Variants in FAM83B observed in about 807,000 individuals in gnomAD.
FAM83B encodes the protein protein FAM83B.
A neutral mutation model predicts 38.8 loss-of-function variants in FAM83B; 26 were observed. That is an observed-to-expected ratio of 0.67 (90% CI 0.49 to 0.93). The LOEUF is 0.93. FAM83B is among the 40% of genes least tolerant of loss of function. The probability of loss-of-function intolerance (pLI) is 0.00; values close to 1 mark genes in which losing one functional copy is unlikely to be tolerated. For missense variants in FAM83B, 1,237 were observed against 1,197.3 expected, an observed-to-expected ratio of 1.03 and a Z score of -0.49; for synonymous variants, 419 against 423.1, an observed-to-expected ratio of 0.99 and a Z score of 0.12.
chr6:54,940,224 A>G lies in FAM83B; in HGVS notation c.1253A>G (p.Lys418Arg). 1 of 1,614,074 alleles carries G rather than the reference A, an allele frequency of 6.2e-7. No individual in the cohort carries two copies. Among genetic ancestry groups the G allele is most frequent in the Non-Finnish European group, 8.5e-7 (1 of 1,179,998 alleles). ...RTNNPPGNWK[K>R]PSDSLSVASS... is the part of the protein sequence containing the mutation. ...AATAATCCACCTGGTAATTGGAAAA[A>G]GCCATCTGATAGTCTCAGTGTGGCG... Residue 418 changes from lysine to arginine, a missense_variant, in exon 5 of 5, where the codon AAG (lysine) becomes AGG (arginine). Lys to Arg is a conservative substitution (Grantham distance 26, BLOSUM62 2). Transcript: ENST00000306858.
intron 2 of FAM83B, among the ~76,000 whole-genome samples, chr6:54,913,600 A>T (rs1772966748): frequency 6.6e-6 from 1 of 152,098 alleles, no homozygotes. Flanking sequence ...AACAAAAATA[A>T]AAAGAGAAAA....
In FAM83B at chr6:54,921,244, C is replaced by T. The variant is rs190519244; in HGVS notation, c.445-5127C>T. ...TTTTTTCTTTCTCTGAATTACCATT[C>T]CCGTGTATTACTTAACACTTGATTA... On this transcript the variant is annotated intron_variant, in intron 2 of 4. Coordinates refer to ENST00000306858, the MANE Select transcript of FAM83B (RefSeq NM_001010872.3). 3.2e-3 allele frequency among the ~76,000 whole-genome samples: 486 copies of T among 151,950 alleles called. 1 individual carries two copies. The highest frequency in any genetic ancestry group is 0.011 in the African/African-American group (463 of 41,524).
chr6:54,906,218 C>T (rs1306206319), intron 2 of FAM83B, among the ~76,000 whole-genome samples: 1 of 152,078 alleles, frequency 6.6e-6, no homozygotes, highest in Non-Finnish European at 1.5e-5. Flanking sequence ...TAAATATAAA[C>T]TAGGTCATTT....
At chr6:54,849,190 C>A (rs1180640114) in intron 1 of FAM83B, among the ~76,000 whole-genome samples, 1 of 152,200 alleles carries the variant, frequency 6.6e-6, no homozygotes, top group Non-Finnish European at 1.5e-5. Context: ...GTACAAATAG[C>A]ACTTAAACTC....
chr6:54,928,803 A>G (rs934615018), intron 4 of FAM83B, among the ~76,000 whole-genome samples: 1 of 152,122 alleles, frequency 6.6e-6, no homozygotes, highest in Non-Finnish European at 1.5e-5. Flanking sequence ...TATGGTTATT[A>G]TTTAAGTTTT....
chr6:54,922,180 A>G (rs1773187040), intron 2 of FAM83B, among the ~76,000 whole-genome samples: 1 of 152,030 alleles, frequency 6.6e-6, no homozygotes, highest in South Asian at 2.1e-4. Context: ...TGCAAACAAA[A>G]TCCTTTATGT....
At chr6:54,846,493 G>A (rs1468722519), upstream of FAM83B, among the ~76,000 whole-genome samples, 2 of 152,196 alleles carry the variant, frequency 1.3e-5, no homozygotes, top group African/African-American at 4.8e-5. Context: ...CCCCGAGGGC[G>A]GGCAGGAAAG....
chr6:54,847,039 A>G (rs1361938418), intron 1 of FAM83B, among the ~76,000 whole-genome samples: 1 of 151,988 alleles, frequency 6.6e-6, no homozygotes, highest in Non-Finnish European at 1.5e-5. Context: ...AGTCTTTTCT[A>G]CGTTTCTTTC....
intron 2 of FAM83B, among the ~76,000 whole-genome samples, chr6:54,898,495 T>C (rs192324999): frequency 1.6e-4 from 24 of 152,298 alleles, no homozygotes; most frequent in Admixed American, 1.2e-3. Context: ...TCATTGCTAG[T>C]TCATGAACAT....
chr6:54,872,106 T>A (rs1418439242), intron 2 of FAM83B, among the ~76,000 whole-genome samples: 1 of 152,162 alleles, frequency 6.6e-6, no homozygotes, highest in African/African-American at 2.4e-5. Context: ...CTTTTGAGTT[T>A]AAATAACCTG....
intron 1 of FAM83B, among the ~76,000 whole-genome samples, chr6:54,852,179 G>A (rs1438798429): frequency 6.6e-6 from 1 of 152,130 alleles, no homozygotes; most frequent in African/African-American, 2.4e-5. Flanking sequence ...AGCATATCTC[G>A]TTTTATTGTG....
In FAM83B at chr6:54,941,765, C is replaced by G; in HGVS notation, c.2794C>G (p.Arg932Gly). 1.2e-6 allele frequency: 2 copies of G among 1,614,050 alleles called. No individual in the cohort carries two copies. Among genetic ancestry groups the G allele is most frequent in the East Asian group, 4.5e-5 (2 of 44,866 alleles). The change falls in exon 5 of 5, where the codon CGT becomes GGT. Residue 932 changes from arginine to glycine, a missense_variant. By Grantham distance (125) the Arg-to-Gly change is moderately radical (BLOSUM62 -2). Transcript: ENST00000306858. ...TCTACGATCTCATTCAACTGATCGG[C>G]GTGTTTACAGTCGTTTTGAGCCGTT... ...ELLRSHSTDR[R>G]VYSRFEPFCK...
intron 2 of FAM83B, among the ~76,000 whole-genome samples, chr6:54,891,570 G>A (rs751923990): frequency 6.6e-6 from 1 of 152,078 alleles, no homozygotes; most frequent in African/African-American, 2.4e-5. Flanking sequence ...CTGAACATTA[G>A]CCTATGTGAT....
chr6:54,862,243 G>A (rs867320490), intron 1 of FAM83B, among the ~76,000 whole-genome samples: 15 of 152,288 alleles, frequency 9.8e-5, no homozygotes, highest in Middle Eastern at 6.8e-3. Context: ...AGAAGGCCAC[G>A]GGTTTTGAGA....
chr6:54,883,089 C>G (rs1021499837), intron 2 of FAM83B, among the ~76,000 whole-genome samples: 13 of 152,048 alleles, frequency 8.5e-5, no homozygotes, highest in African/African-American at 1.7e-4. Flanking sequence ...AGGCACCCAC[C>G]ACCACGCCCG....
intron 2 of FAM83B, among the ~76,000 whole-genome samples, chr6:54,924,370 C>T (rs1023638360): frequency 1.3e-5 from 2 of 151,708 alleles, no homozygotes; most frequent in East Asian, 3.9e-4. Flanking sequence ...CCCCCAACTA[C>T]TGTTCAATTT....
At chr6:54,863,364 G>A (rs1581885233) in intron 1 of FAM83B, among the ~76,000 whole-genome samples, 1 of 152,176 alleles carries the variant, frequency 6.6e-6, no homozygotes, top group Non-Finnish European at 1.5e-5. Context: ...ATGTACACTT[G>A]AGGGCCTTTG....
At chr6:54,876,900 C>G (rs1166235782) in intron 2 of FAM83B, among the ~76,000 whole-genome samples, 1 of 152,064 alleles carries the variant, frequency 6.6e-6, no homozygotes, top group Non-Finnish European at 1.5e-5. Flanking sequence ...TTTACTCATT[C>G]TTTCCTGTCT....
At chr6:54,896,476 C>T (rs1422987789) in intron 2 of FAM83B, among the ~76,000 whole-genome samples, 1 of 152,128 alleles carries the variant, frequency 6.6e-6, no homozygotes, top group African/African-American at 2.4e-5. Context: ...ATCTTCTTTC[C>T]ACACCCACAT....
Sources: allele counts gnomAD v4.1 joint callset (sites outside exome capture counted in the v4.1 genomes callset), GRCh38; gene constraint gnomAD v4.1.1; transcripts MANE v1.5; gene names NCBI Gene and HGNC (gene_info 2026-07-23, HGNC 2026-07-21).